CNTNAP2: variants seen among roughly 807,000 people sequenced by gnomAD.
CNTNAP2 encodes the protein contactin associated protein 2.
CNTNAP2 carries 98 observed loss-of-function variants against 155.2 expected under a neutral mutation model. That is an observed-to-expected ratio of 0.63 (90% CI 0.54 to 0.75). The LOEUF is 0.75. CNTNAP2 is among the 30% of genes least tolerant of loss of function. The pLI, the probability that CNTNAP2 is intolerant of heterozygous loss-of-function variation, is 0.00. For missense variants in CNTNAP2, 1,727 were observed against 1,688.1 expected (o/e 1.02, Z -0.40); for synonymous variants, 651 against 631.2 (o/e 1.03, Z -0.47).
chr7:146,968,799 T>G (rs1372149833), intron 3 of CNTNAP2, among the ~76,000 whole-genome samples: 2 of 150,730 alleles, frequency 1.3e-5, no homozygotes, highest in African/African-American at 2.5e-5. Context: ...GTTTTTTGTG[T>G]CTCTATTTCC....
intron 8 of CNTNAP2, among the ~76,000 whole-genome samples, chr7:147,192,768 C>T (rs1326585894): frequency 6.6e-6 from 1 of 152,164 alleles, no homozygotes; most frequent in Admixed American, 6.5e-5. Flanking sequence ...TGTCGTTTGG[C>T]ATTTTGAGGA....
At chr7:147,220,012 A>G (rs1249998348) in intron 8 of CNTNAP2, among the ~76,000 whole-genome samples, 1 of 136,208 alleles carries the variant, frequency 7.3e-6, no homozygotes, top group Non-Finnish European at 1.5e-5. Context: ...GATGGTCTCT[A>G]TCTCCTGAGC....
At chr7:146,415,088 C>A (rs1314703441) in intron 1 of CNTNAP2, among the ~76,000 whole-genome samples, 1 of 152,108 alleles carries the variant, frequency 6.6e-6, no homozygotes, top group Non-Finnish European at 1.5e-5. Flanking sequence ...AGCAAGTTAG[C>A]TTGTAACAGT....
At chr7:148,022,747 T>C (rs1802307166) in intron 15 of CNTNAP2, among the ~76,000 whole-genome samples, 1 of 152,100 alleles carries the variant, frequency 6.6e-6, no homozygotes, top group African/African-American at 2.4e-5. Context: ...GGATGTCTAA[T>C]GCTCTCGTCT....
chr7:147,830,438 T>A (rs1203831234), intron 13 of CNTNAP2, among the ~76,000 whole-genome samples: 1 of 152,166 alleles, frequency 6.6e-6, no homozygotes, highest in African/African-American at 2.4e-5. Flanking sequence ...AAGGCCCCAC[T>A]TCCTAACATC....
chr7:147,299,879 T>G (rs1173299262), intron 8 of CNTNAP2, among the ~76,000 whole-genome samples: 1 of 152,136 alleles, frequency 6.6e-6, no homozygotes, highest in Non-Finnish European at 1.5e-5. Context: ...TTTCAATCCA[T>G]TTCTTTCCCT....
intron 9 of CNTNAP2, among the ~76,000 whole-genome samples, chr7:147,321,432 A>AT (rs952090898): frequency 1.9e-4 from 28 of 151,020 alleles, no homozygotes; most frequent in Admixed American, 4.0e-4. Flanking sequence ...GTTATTTTTT[A>AT]TTTTTTTCAT....
intron 11 of CNTNAP2, among the ~76,000 whole-genome samples, chr7:147,492,014 G>T (rs1798618091): frequency 6.6e-6 from 1 of 152,168 alleles, no homozygotes; most frequent in Non-Finnish European, 1.5e-5. Flanking sequence ...TGACATTATA[G>T]TAACAATAGC....
chr7:147,457,885 G>GT (rs1797949538), intron 10 of CNTNAP2, among the ~76,000 whole-genome samples: 1 of 152,056 alleles, frequency 6.6e-6, no homozygotes, highest in African/African-American at 2.4e-5. Context: ...AAGTTGACCA[G>GT]TTTTTTCAAA....
At chr7:147,426,173 C>A (rs2116518499) in intron 10 of CNTNAP2, among the ~76,000 whole-genome samples, 1 of 150,412 alleles carries the variant, frequency 6.6e-6, no homozygotes, top group East Asian at 2.0e-4. Flanking sequence ...TTTAAGCTGG[C>A]CAAATGTGCT....
At chr7:146,957,757 A>C (rs557615202) in intron 3 of CNTNAP2, among the ~76,000 whole-genome samples, 23 of 152,180 alleles carry the variant, frequency 1.5e-4, no homozygotes, top group African/African-American at 5.3e-4. Flanking sequence ...CATGTACTCC[A>C]TAAAAATACA....
chr7:146,992,852 T>G (rs1187559629), intron 3 of CNTNAP2, among the ~76,000 whole-genome samples: 3 of 152,204 alleles, frequency 2.0e-5, no homozygotes, highest in Non-Finnish European at 2.9e-5. Context: ...TAAAACAAAT[T>G]AATGCTTTAT....
intron 9 of CNTNAP2, among the ~76,000 whole-genome samples, chr7:147,368,949 T>C (rs1322130310): frequency 6.6e-6 from 1 of 152,156 alleles, no homozygotes; most frequent in Non-Finnish European, 1.5e-5. Context: ...TGTAAATCAA[T>C]ACATTAAAAT....
intron 21 of CNTNAP2, among the ~76,000 whole-genome samples, chr7:148,319,181 G>A (rs796183100): frequency 6.6e-5 from 10 of 152,232 alleles, no homozygotes; most frequent in African/African-American, 2.4e-4. Flanking sequence ...TTAATAATAT[G>A]CTAGACAGTA....
chr7:147,917,864 T>C (rs559374726), intron 14 of CNTNAP2, among the ~76,000 whole-genome samples: 1 of 152,188 alleles, frequency 6.6e-6, no homozygotes, highest in Non-Finnish European at 1.5e-5. Flanking sequence ...TCACCTTGCA[T>C]TCTCTGCTTT....
rs533295745 is a variant in CNTNAP2, at chr7:147,253,270, T to C, written c.1349-46871T>C. Among the ~76,000 whole-genome samples the C allele has an allele frequency of 1.4e-3, 217 of 152,064 alleles. 1 individual carries two copies. The highest frequency in any genetic ancestry group is 8.5e-3 in the South Asian group (41 of 4,824). On this transcript the variant is annotated intron_variant, in intron 8 of 23. Coordinates refer to ENST00000361727, the MANE Select transcript of CNTNAP2 (RefSeq NM_014141.6). ...CACCATGTTATTCTGGAATCTAATA[T>C]AGAAAATGACCCAGAAGCACCATTT...
chr7:147,300,467 C>T (rs886231751), intron 9 of CNTNAP2, among the ~76,000 whole-genome samples, 177 bp downstream of exon 9: 21 of 152,244 alleles, frequency 1.4e-4, no homozygotes, highest in African/African-American at 4.8e-4. Context: ...TTATTTCTTT[C>T]TGATGAAGAT....
At chr7:147,442,763 G>T (rs998602313) in intron 10 of CNTNAP2, among the ~76,000 whole-genome samples, 5 of 152,072 alleles carry the variant, frequency 3.3e-5, no homozygotes, top group Admixed American at 2.0e-4. Context: ...GAATGAGAAG[G>T]TTGCTCTCTG....
intron 18 of CNTNAP2, among the ~76,000 whole-genome samples, chr7:148,185,906 T>C (rs1795108082): frequency 6.6e-6 from 1 of 152,228 alleles, no homozygotes; most frequent in African/African-American, 2.4e-5. Context: ...TAAAATGTTA[T>C]CTTCTGTGGC....
Sources: gnomAD v4.1 joint callset for allele counts (sites outside exome capture counted in the v4.1 genomes callset) on GRCh38, gnomAD v4.1.1 for gene constraint, MANE v1.5 for transcripts, NCBI Gene and HGNC (gene_info 2026-07-23, HGNC 2026-07-21) for gene names.